Variants in ST18 observed in about 807,000 individuals in gnomAD.
ST18 encodes the protein ST18 C2H2C-type zinc finger transcription factor.
A neutral mutation model predicts 110.0 loss-of-function variants in ST18; 50 were observed. That is an observed-to-expected ratio of 0.45 (90% CI 0.36 to 0.58). The LOEUF (loss-of-function observed/expected upper bound fraction) is 0.58, where lower values mean the gene tolerates loss of function less well. ST18 is among the 20% of genes least tolerant of loss of function. The pLI is 0.00. For missense variants in ST18, 1,306 were observed against 1,280.1 expected, an observed-to-expected ratio of 1.02 and a Z score of -0.31; for synonymous variants, 461 against 452.4, an observed-to-expected ratio of 1.02 and a Z score of -0.24.
intron 2 of ST18, among the ~76,000 whole-genome samples, chr8:52,318,269 C>T (rs1454739107): frequency 1.3e-5 from 2 of 152,108 alleles, no homozygotes; most frequent in African/African-American, 4.8e-5. Flanking sequence ...CAAACGAAGA[C>T]ATACATGCAC....
intron 15 of ST18, chr8:52,154,881 A>C (rs1350129247): frequency 6.8e-6 from 1 of 146,018 alleles, no homozygotes; most frequent in African/African-American, 2.5e-5. Flanking sequence ...TCCTCTCAGA[A>C]AAAAAAAAAA....
intron 2 of ST18, among the ~76,000 whole-genome samples, chr8:52,239,947 A>G (rs2093224002): frequency 6.6e-6 from 1 of 151,968 alleles, no homozygotes; most frequent in South Asian, 2.1e-4. Flanking sequence ...GCAGATGCCA[A>G]CACACCTGGC....
chr8:52,209,788 A>AAAATAT (rs1554719674), intron 8 of ST18, among the ~76,000 whole-genome samples: 3 of 105,698 alleles, frequency 2.8e-5, no homozygotes, highest in Non-Finnish European at 5.2e-5. Flanking sequence ...AAAAAAAAAA[A>AAAATAT]ATATATATAT....
intron 8 of ST18, among the ~76,000 whole-genome samples, chr8:52,193,047 T>C (rs991993443): frequency 2.6e-5 from 4 of 152,116 alleles, no homozygotes; most frequent in African/African-American, 9.7e-5. Flanking sequence ...GGCCCAAACT[T>C]GTCAGCAAAT....
At chr8:52,155,850 A>G (rs2059886983) in intron 15 of ST18, among the ~76,000 whole-genome samples, 2 of 152,156 alleles carry the variant, frequency 1.3e-5, no homozygotes, top group African/African-American at 4.8e-5. Flanking sequence ...TATTAGCCCC[A>G]ATATATGGGC....
chr8:52,164,254 TAC>T (rs2062248239), intron 12 of ST18, among the ~76,000 whole-genome samples, 164 bp from the exon 13 acceptor site: 1 of 152,212 alleles, frequency 6.6e-6, no homozygotes, highest in Non-Finnish European at 1.5e-5. Context: ...TTTTGCAAAC[TAC>T]AGTGTCAACA....
intron 22 of ST18, among the ~76,000 whole-genome samples, chr8:52,126,384 CA>C (rs1241624637): frequency 5.3e-5 from 8 of 152,202 alleles, no homozygotes; most frequent in African/African-American, 1.9e-4. Flanking sequence ...TGCTGATACA[CA>C]ATTATTATTT....
At chr8:52,302,445 T>C (rs1177982469) in intron 2 of ST18, among the ~76,000 whole-genome samples, 2 of 152,190 alleles carry the variant, frequency 1.3e-5, no homozygotes, top group Non-Finnish European at 2.9e-5. Context: ...TTTGTTTATA[T>C]AGAAATCTAT....
At chr8:52,241,878 C>CTT (rs569944214) in intron 2 of ST18, among the ~76,000 whole-genome samples, 2 of 149,064 alleles carry the variant, frequency 1.3e-5, no homozygotes, top group Non-Finnish European at 3.0e-5. Flanking sequence ...CTCTTCCTTC[C>CTT]TTTTTTTTTT....
intron 2 of ST18, among the ~76,000 whole-genome samples, chr8:52,360,464 C>T (rs1825224151): frequency 6.6e-6 from 1 of 151,708 alleles, no homozygotes; most frequent in African/African-American, 2.4e-5. Context: ...GCTTTTGCTC[C>T]TTAACAAAAT....
chr8:52,383,412 G>C (rs1235732867), intron 2 of ST18, among the ~76,000 whole-genome samples: 1 of 152,190 alleles, frequency 6.6e-6, no homozygotes, highest in East Asian at 1.9e-4. Context: ...CCCTCACCTT[G>C]ATGACTTTTA....
rs544581093 is a variant in ST18, at chr8:52,174,037, C to T, written c.278-1454G>A. On this transcript the variant is annotated intron_variant, in intron 9 of 25. Coordinates refer to ENST00000689386, the MANE Select transcript of ST18 (RefSeq NM_001352837.2). ...TAAATATTGCCATAGTAACTAAAAG[C>T]ATTTTTGGATGAAGGGAAGAATTCA... 2.0e-5 allele frequency among the ~76,000 whole-genome samples: 3 copies of T among 152,308 alleles called. No individual in the cohort carries two copies. The South Asian group carries it at 6.2e-4, about 32-fold the overall frequency.
chr8:52,163,605 G>A (rs1167093674), intron 13 of ST18, among the ~76,000 whole-genome samples: 1 of 152,160 alleles, frequency 6.6e-6, no homozygotes, highest in Non-Finnish European at 1.5e-5. Context: ...AGGAAAGGCA[G>A]GAGTGACTTC....
intron 2 of ST18, among the ~76,000 whole-genome samples, chr8:52,360,090 C>T (rs181324439): frequency 5.9e-5 from 9 of 152,050 alleles, no homozygotes; most frequent in Admixed American, 5.9e-4. Flanking sequence ...CAGTTTCATT[C>T]TTCTATAGTT....
Position 52,307,957 on chromosome 8 carries a change from G to A in ST18, c.-464-77880C>T, listed in dbSNP as rs117617722. Among the ~76,000 whole-genome samples the A allele has an allele frequency of 5.8e-4, 88 of 152,226 alleles. No homozygotes were observed. In the East Asian group the frequency reaches 0.016, roughly 28 times the overall value. ...GAAGAGAGAAGCAAATAGACACTTG[G>A]GTAGCATGAATGTCTTCATCTTGAA... On this transcript the variant is annotated intron_variant, in intron 2 of 25. Coordinates refer to ENST00000689386, the MANE Select transcript of ST18 (RefSeq NM_001352837.2).
At chr8:52,374,448 A>G (rs766461361) in intron 2 of ST18, among the ~76,000 whole-genome samples, 2 of 152,194 alleles carry the variant, frequency 1.3e-5, no homozygotes, top group Non-Finnish European at 2.9e-5. Flanking sequence ...GCATCTTGAT[A>G]TCAGACTTCT....
intron 2 of ST18, among the ~76,000 whole-genome samples, chr8:52,279,519 T>A (rs1381490096): frequency 1.3e-5 from 2 of 152,062 alleles, no homozygotes; most frequent in Non-Finnish European, 2.9e-5. Context: ...TGGGTGGAAA[T>A]TTTCTCAGAT....
chr8:52,298,116 C>T (rs187883901), intron 2 of ST18, among the ~76,000 whole-genome samples: 25 of 152,306 alleles, frequency 1.6e-4, no homozygotes, highest in African/African-American at 5.8e-4. Context: ...CACTGGTCCC[C>T]GGCCTTCAGC....
chr8:52,330,456 C>T (rs1247413579), intron 2 of ST18, among the ~76,000 whole-genome samples: 1 of 152,196 alleles, frequency 6.6e-6, no homozygotes, highest in African/African-American at 2.4e-5. Flanking sequence ...ACCAGAACTC[C>T]GATAGCAAAT....
Sources: gnomAD v4.1 joint callset for allele counts (sites outside exome capture counted in the v4.1 genomes callset) on GRCh38, gnomAD v4.1.1 for gene constraint, MANE v1.5 for transcripts, NCBI Gene and HGNC (gene_info 2026-07-23, HGNC 2026-07-21) for gene names.